NKAIN2: variants seen among roughly 807,000 people sequenced by gnomAD.
The protein encoded by NKAIN2 is sodium/potassium transporting ATPase interacting 2.
NKAIN2 carries 14 observed loss-of-function variants against 32.6 expected under a neutral mutation model. The ratio of observed to expected loss-of-function variants is 0.43; its 90% CI spans 0.28 to 0.67. NKAIN2 has a LOEUF of 0.67. Among genes scored for constraint, NKAIN2 ranks in the 30% least tolerant of loss-of-function variants. NKAIN2 has a pLI of 0.17. For synonymous variants in NKAIN2, 80 were observed against 87.2 expected, an observed-to-expected ratio of 0.92 and a Z score of 0.46; for missense variants, 198 against 258.3, an observed-to-expected ratio of 0.77 and a Z score of 1.60.
chr6:124,050,151 CA>C (rs1305507211), intron 1 of NKAIN2, among the ~76,000 whole-genome samples: 1 of 151,466 alleles, frequency 6.6e-6, no homozygotes, highest in African/African-American at 2.4e-5. Context: ...AATATAGTGG[CA>C]AATAATGAGC....
chr6:123,922,772 G>C (rs1301038990), intron 1 of NKAIN2, among the ~76,000 whole-genome samples: 1 of 152,160 alleles, frequency 6.6e-6, no homozygotes, highest in East Asian at 1.9e-4. Context: ...TTGGATATAA[G>C]AGGTAGGAGG....
intron 2 of NKAIN2, among the ~76,000 whole-genome samples, chr6:124,337,481 T>A (rs1429383634): frequency 6.6e-6 from 1 of 152,216 alleles, no homozygotes; most frequent in Non-Finnish European, 1.5e-5. Flanking sequence ...CACTCCAGCC[T>A]GGGTAAGGGA....
intron 3 of NKAIN2, among the ~76,000 whole-genome samples, chr6:124,371,693 C>CAAAAAAAAAA (rs10679200): frequency 5.2e-5 from 5 of 95,674 alleles, no homozygotes; most frequent in Admixed American, 1.3e-4. Context: ...GACTCTGTCT[C>CAAAAAAAAAA]AAAAAAAAAA....
intron 1 of NKAIN2, among the ~76,000 whole-genome samples, chr6:123,837,130 A>G (rs1236638672): frequency 6.6e-6 from 1 of 152,164 alleles, no homozygotes; most frequent in African/African-American, 2.4e-5. Flanking sequence ...TTAACTGTTT[A>G]TACTTAAAAA....
At chr6:124,158,681 C>T (rs1788112092) in intron 1 of NKAIN2, among the ~76,000 whole-genome samples, 1 of 152,070 alleles carries the variant, frequency 6.6e-6, no homozygotes, top group Non-Finnish European at 1.5e-5. Flanking sequence ...TACTTAAATC[C>T]CCTTGACTAA....
chr6:124,260,497 G>C (rs1012009671), intron 1 of NKAIN2, among the ~76,000 whole-genome samples: 1 of 152,148 alleles, frequency 6.6e-6, no homozygotes, highest in Non-Finnish European at 1.5e-5. Flanking sequence ...AGACAGGATG[G>C]AACATGTAAA....
intron 6 of NKAIN2, chr6:124,819,172 A>G (rs1226526515): frequency 9.1e-6 from 8 of 876,434 alleles, no homozygotes; most frequent in Non-Finnish European, 1.1e-5. Flanking sequence ...ATCAAAATAG[A>G]AAGTAAGATT....
At chr6:124,312,670 G>C (rs1208689533) in intron 2 of NKAIN2, among the ~76,000 whole-genome samples, 2 of 151,994 alleles carry the variant, frequency 1.3e-5, no homozygotes, top group Admixed American at 6.6e-5. Flanking sequence ...TGTCCTCTTC[G>C]GTCTTTTATG....
intron 4 of NKAIN2, among the ~76,000 whole-genome samples, chr6:124,788,553 C>T (rs1779604751): frequency 1.3e-5 from 2 of 152,036 alleles, no homozygotes; most frequent in African/African-American, 2.4e-5. Context: ...AAGCAAAGAC[C>T]TTCTTCAGAT....
At chr6:124,326,148 A>AT (rs148109245) in intron 2 of NKAIN2, among the ~76,000 whole-genome samples, 44 of 131,956 alleles carry the variant, frequency 3.3e-4, no homozygotes, top group Middle Eastern at 8.4e-3. Context: ...CTTCTGAAGG[A>AT]TTTTTTTTTT....
chr6:124,329,232 C>G (rs1171504217), intron 2 of NKAIN2, among the ~76,000 whole-genome samples: 1 of 152,304 alleles, frequency 6.6e-6, no homozygotes. Flanking sequence ...GGCAACTGCT[C>G]TGATGCACTG....
intron 3 of NKAIN2, among the ~76,000 whole-genome samples, chr6:124,447,836 AC>A (rs1215526826): frequency 6.6e-6 from 1 of 151,918 alleles, no homozygotes; most frequent in Non-Finnish European, 1.5e-5. Flanking sequence ...TCCACTCCTC[AC>A]CCTGTGGCAC....
At chr6:124,060,240 A>G (rs774422216) in intron 1 of NKAIN2, among the ~76,000 whole-genome samples, 1 of 152,182 alleles carries the variant, frequency 6.6e-6, no homozygotes, top group Non-Finnish European at 1.5e-5. Flanking sequence ...CCTAGGGCCT[A>G]TGCCAGTCAC....
At chr6:124,313,793 A>G (rs1277632264) in intron 2 of NKAIN2, among the ~76,000 whole-genome samples, 2 of 152,158 alleles carry the variant, frequency 1.3e-5, no homozygotes, top group South Asian at 2.1e-4. Flanking sequence ...CAATAGCCTC[A>G]TGATGGCAAA....
In NKAIN2 at chr6:124,487,792, T is replaced by C. The variant is rs558690438; in HGVS notation, c.273+132445T>C. ...CAGAAAATATCTGTTCCAAGTGTATTAAGTCCCAGGGGTGTATTGCCCATG... is the reference window on the plus strand; with the variant it reads ...CAGAAAATATCTGTTCCAAGTGTATCAAGTCCCAGGGGTGTATTGCCCATG... On this transcript the variant is annotated intron_variant, in intron 3 of 6. Coordinates refer to ENST00000368417, the MANE Select transcript of NKAIN2 (RefSeq NM_001040214.3). Among the ~76,000 whole-genome samples, 8 of 152,176 alleles carry C rather than the reference T, an allele frequency of 5.3e-5. No individual in the cohort carries two copies. In the East Asian group the frequency reaches 1.5e-3, roughly 29 times the overall value.
chr6:124,752,459 T>C (rs1486213024), intron 4 of NKAIN2, among the ~76,000 whole-genome samples: 1 of 152,078 alleles, frequency 6.6e-6, no homozygotes, highest in African/African-American at 2.4e-5. Context: ...TCTTTCTTCC[T>C]TCTTACTCCT....
At chr6:124,177,019 T>C (rs755063795) in intron 1 of NKAIN2, among the ~76,000 whole-genome samples, 1 of 152,272 alleles carries the variant, frequency 6.6e-6, no homozygotes, top group Non-Finnish European at 1.5e-5. Context: ...TCTTTCATTT[T>C]ATTCTTTCAG....
At chr6:124,235,260 C>T (rs73770375) in intron 1 of NKAIN2, among the ~76,000 whole-genome samples, 1 of 152,106 alleles carries the variant, frequency 6.6e-6, no homozygotes, top group African/African-American at 2.4e-5. Flanking sequence ...TAGAATTTCA[C>T]CCCTTTTCTA....
chr6:124,592,497 C>A (rs1781947420), intron 3 of NKAIN2, among the ~76,000 whole-genome samples: 1 of 152,134 alleles, frequency 6.6e-6, no homozygotes, highest in Non-Finnish European at 1.5e-5. Context: ...ATTTTGATTC[C>A]TAACACTTCA....
Sources: allele counts gnomAD v4.1 joint callset (sites outside exome capture counted in the v4.1 genomes callset), GRCh38; gene constraint gnomAD v4.1.1; transcripts MANE v1.5; gene names NCBI Gene and HGNC (gene_info 2026-07-23, HGNC 2026-07-21).